Variants in ATXN1 observed in about 807,000 individuals in gnomAD.
The protein encoded by ATXN1 is ataxin 1.
In ATXN1, 8 loss-of-function variants were observed where a neutral mutation model predicts 56.4. The ratio of observed to expected loss-of-function variants is 0.14; its 90% CI spans 0.08 to 0.26. The LOEUF is 0.26. Among genes scored for constraint, ATXN1 ranks in the 10% least tolerant of loss-of-function variants. The probability of loss-of-function intolerance (pLI) is 1.00; values close to 1 mark genes in which losing one functional copy is unlikely to be tolerated. For missense variants in ATXN1, 987 were observed against 1,106.5 expected (o/e 0.89, Z 1.53); for synonymous variants, 514 against 494.6 (o/e 1.04, Z -0.52).
chr6:16,518,940 G>A (rs573471128), intron 5 of ATXN1, among the ~76,000 whole-genome samples: 3 of 152,222 alleles, frequency 2.0e-5, no homozygotes, highest in African/African-American at 7.2e-5. Context: ...CTTACCTTGT[G>A]ACTTTATATC....
chr6:16,314,986 C>G (rs540210228), intron 7 of ATXN1, among the ~76,000 whole-genome samples: 1 of 152,102 alleles, frequency 6.6e-6, no homozygotes, highest in Middle Eastern at 3.2e-3. Flanking sequence ...AAGTATACAC[C>G]GAGCACCTGC....
Position 16,306,161 on chromosome 6 carries a change from T to C in ATXN1, c.*168A>G. 1 of 839,998 alleles carries C rather than the reference T, an allele frequency of 1.2e-6. No homozygotes were observed. Among genetic ancestry groups the C allele is most frequent in the Non-Finnish European group, 1.8e-6 (1 of 555,042 alleles). The allele number at this position is 839,998 out of a possible 1,614,324, so 52.0% of individuals were successfully genotyped here. ...GACAGACACTCGTGGAAAAAGCATA[T>C]GCACCAGTCTCCTGCGACACACCTG... On this transcript the variant is annotated 3_prime_UTR_variant, in exon 8 of 8. Coordinates refer to ENST00000436367, the MANE Select transcript of ATXN1 (RefSeq NM_001128164.2). The surrounding 1 kb of genome is among the most constrained non-coding windows in gnomAD (Gnocchi z 5.2).
In ATXN1 at chr6:16,479,582, G is replaced by A. The variant is rs532767580; in HGVS notation, c.-161+6390C>T. Reference sequence around the variant, plus strand: ...TTTGTCTGTTTACATTAGTCCTAAGGAGTAATTTATGTGTTGTTAAGAACC... The same window carrying A: ...TTTGTCTGTTTACATTAGTCCTAAGAAGTAATTTATGTGTTGTTAAGAACC... On this transcript the variant is annotated intron_variant, in intron 6 of 7. Coordinates refer to ENST00000436367, the MANE Select transcript of ATXN1 (RefSeq NM_001128164.2). Among the ~76,000 whole-genome samples the A allele has an allele frequency of 3.3e-5, 5 of 152,252 alleles. No homozygotes were observed. In the East Asian group the frequency reaches 9.6e-4, roughly 29 times the overall value.
chr6:16,617,675 G>C (rs183790386), intron 3 of ATXN1, among the ~76,000 whole-genome samples: 171 of 150,334 alleles, frequency 1.1e-3, no homozygotes, highest in Non-Finnish European at 2.2e-3. Flanking sequence ...GCTGAGGCAG[G>C]AGAATGGCCT....
chr6:16,357,431 G>A lies in ATXN1; in HGVS notation c.-160-28961C>T, dbSNP rs530560574. ...ACTACAGGTGCCCGCCACCATGCCC[G>A]GCTAATTTTTGTATTTTTGGTAGAG... On this transcript the variant is annotated intron_variant, in intron 6 of 7. Transcript: ENST00000436367. Among the ~76,000 whole-genome samples, 158 of 151,934 alleles carry A rather than the reference G, an allele frequency of 1.0e-3. 1 individual carries two copies. Among genetic ancestry groups the A allele is most frequent in the African/African-American group, 3.5e-3 (144 of 41,438 alleles).
intron 6 of ATXN1, among the ~76,000 whole-genome samples, chr6:16,480,733 C>T (rs1029006163): frequency 1.3e-5 from 2 of 152,152 alleles, no homozygotes; most frequent in Non-Finnish European, 2.9e-5. Flanking sequence ...TGTTTCACCC[C>T]ATAGAACACA....
chr6:16,403,507 C>T (rs369473828), intron 6 of ATXN1, among the ~76,000 whole-genome samples: 1 of 152,140 alleles, frequency 6.6e-6, no homozygotes. Context: ...CATGCCAATA[C>T]ACCTGACTAA....
intron 6 of ATXN1, among the ~76,000 whole-genome samples, chr6:16,456,405 A>G (rs937871389): frequency 1.3e-5 from 2 of 152,206 alleles, no homozygotes; most frequent in African/African-American, 4.8e-5. Context: ...GACTAAGGAC[A>G]TGGATGTCAG....
chr6:16,377,180 A>G (rs1314939808), intron 6 of ATXN1, among the ~76,000 whole-genome samples: 1 of 152,218 alleles, frequency 6.6e-6, no homozygotes, highest in Non-Finnish European at 1.5e-5. Context: ...TGGCACCTTG[A>G]TCTTGGACTT....
intron 2 of ATXN1, among the ~76,000 whole-genome samples, chr6:16,668,454 T>A (rs1393935738): frequency 6.6e-6 from 1 of 151,698 alleles, no homozygotes; most frequent in Non-Finnish European, 1.5e-5. Context: ...TGCCTTTTGG[T>A]CTTGAGAGTC....
At chr6:16,661,807 G>A (rs1305902439) in intron 2 of ATXN1, among the ~76,000 whole-genome samples, 1 of 152,162 alleles carries the variant, frequency 6.6e-6, no homozygotes, top group Non-Finnish European at 1.5e-5. Context: ...GCATCTATGT[G>A]AGTGGATTTG....
intron 6 of ATXN1, among the ~76,000 whole-genome samples, chr6:16,480,796 T>G (rs1581790938): frequency 1.3e-5 from 2 of 152,154 alleles, no homozygotes; most frequent in East Asian, 1.9e-4. Flanking sequence ...CTGGGTGTTC[T>G]TTGCATTTTC....
At chr6:16,704,152 GT>G (rs1759354536) in intron 2 of ATXN1, among the ~76,000 whole-genome samples, 1 of 152,234 alleles carries the variant, frequency 6.6e-6, no homozygotes, top group Admixed American at 6.5e-5. Flanking sequence ...CTGTACGAAT[GT>G]TTTGGAGGTG....
intron 6 of ATXN1, among the ~76,000 whole-genome samples, chr6:16,366,088 C>A (rs1450678113): frequency 2.6e-5 from 4 of 152,196 alleles, no homozygotes; most frequent in African/African-American, 9.7e-5. Context: ...CAACAGCAAT[C>A]TTTAAAGAAA....
At chr6:16,535,969 G>T (rs1048704921) in intron 4 of ATXN1, among the ~76,000 whole-genome samples, 5 of 152,110 alleles carry the variant, frequency 3.3e-5, no homozygotes, top group African/African-American at 1.2e-4. Flanking sequence ...CCAGCACTTT[G>T]TGGGGCCAAA....
chr6:16,724,045 T>G (rs1476331038), intron 2 of ATXN1, among the ~76,000 whole-genome samples: 1 of 152,156 alleles, frequency 6.6e-6, no homozygotes, highest in African/African-American at 2.4e-5. Flanking sequence ...TTAATAACAT[T>G]TAAATCTCTG....
intron 3 of ATXN1, among the ~76,000 whole-genome samples, chr6:16,609,784 CA>C (rs1175351008): frequency 6.6e-6 from 1 of 151,894 alleles, no homozygotes; most frequent in Non-Finnish European, 1.5e-5. Flanking sequence ...AAGACGATTT[CA>C]AAAAATATTT....
chr6:16,335,158 C>T (rs1761088343), intron 6 of ATXN1, among the ~76,000 whole-genome samples: 1 of 152,238 alleles, frequency 6.6e-6, no homozygotes, highest in Non-Finnish European at 1.5e-5. Flanking sequence ...GGCTTGTCAT[C>T]CCAGTCTACT....
intron 6 of ATXN1, among the ~76,000 whole-genome samples, chr6:16,404,707 C>A (rs1032911451): frequency 3.0e-5 from 4 of 132,020 alleles, no homozygotes; most frequent in African/African-American, 7.5e-5. Context: ...CGCGCGCGCA[C>A]ACACGCACAC....
Sources: allele counts gnomAD v4.1 joint callset (sites outside exome capture counted in the v4.1 genomes callset), GRCh38; gene constraint gnomAD v4.1.1; non-coding constraint Gnocchi (gnomAD v3.1); transcripts MANE v1.5; gene names NCBI Gene and HGNC (gene_info 2026-07-23, HGNC 2026-07-21).